Variants in COL24A1 observed in about 807,000 individuals in gnomAD.
COL24A1 encodes collagen type XXIV alpha 1 chain.
COL24A1 carries 224 observed loss-of-function variants against 253.9 expected under a neutral mutation model. The ratio of observed to expected loss-of-function variants is 0.88; its 90% CI spans 0.79 to 0.99. COL24A1 has a LOEUF of 0.99. COL24A1 is among the 50% of genes least tolerant of loss of function. COL24A1 has a pLI of 0.00. For synonymous variants in COL24A1, 685 were observed against 673.7 expected, an observed-to-expected ratio of 1.02 and a Z score of -0.26; for missense variants, 2,131 against 2,068.5, an observed-to-expected ratio of 1.03 and a Z score of -0.59.
At chr1:86,053,526 A>G (rs1700464497) in intron 10 of COL24A1, among the ~76,000 whole-genome samples, 1 of 152,130 alleles carries the variant, frequency 6.6e-6, no homozygotes, top group Non-Finnish European at 1.5e-5. Flanking sequence ...CCATGAAACT[A>G]GAGTTTACCG....
intron 2 of COL24A1, among the ~76,000 whole-genome samples, chr1:86,127,013 A>T (rs1169055749): frequency 6.6e-6 from 1 of 152,102 alleles, no homozygotes; most frequent in African/African-American, 2.4e-5. Flanking sequence ...TTTTCCTTCT[A>T]ACCTTCTGGG....
intron 19 of COL24A1, among the ~76,000 whole-genome samples, chr1:86,011,209 T>C (rs1696455267): frequency 6.6e-6 from 1 of 152,198 alleles, no homozygotes; most frequent in South Asian, 2.1e-4. Context: ...ATTATTTTTC[T>C]GCACCTTGTA....
At chr1:85,998,715 G>A (rs891967016) in intron 19 of COL24A1, among the ~76,000 whole-genome samples, 6 of 152,234 alleles carry the variant, frequency 3.9e-5, no homozygotes, top group South Asian at 4.2e-4. Context: ...CCAAGATAAC[G>A]AGATAATATC....
At chr1:85,850,164 A>G (rs750225375) in intron 37 of COL24A1, among the ~76,000 whole-genome samples, 1 of 152,188 alleles carries the variant, frequency 6.6e-6, no homozygotes, top group Non-Finnish European at 1.5e-5. Flanking sequence ...GTGGGGCACT[A>G]TATGAATTTT....
At chr1:86,139,851 T>TA (rs934776331) in intron 2 of COL24A1, among the ~76,000 whole-genome samples, 2 of 152,206 alleles carry the variant, frequency 1.3e-5, no homozygotes, top group African/African-American at 4.8e-5. Context: ...CCAATTTACT[T>TA]AAACTGACTA....
intron 47 of COL24A1, among the ~76,000 whole-genome samples, chr1:85,790,965 T>C (rs1463243737): frequency 1.3e-5 from 2 of 152,158 alleles, no homozygotes; most frequent in African/African-American, 4.8e-5. Context: ...AAAATGAGGC[T>C]GCAACTGAAG....
rs182777070 is a variant in COL24A1 at position 85,889,914 on chromosome 1, T to C, written c.2923-301A>G. On this transcript the variant is annotated intron_variant, in intron 31 of 59. Coordinates refer to ENST00000370571, the MANE Select transcript of COL24A1 (RefSeq NM_152890.7). ...TTAAATACTAGCTCCCCATCACCCC[T>C]TTTTTTCTATTTCCTGGCAACCACC... Among the ~76,000 whole-genome samples, 183 of 152,018 alleles carry C rather than the reference T, an allele frequency of 1.2e-3. 2 individuals carry two copies. The Middle Eastern group carries it at 0.027, about 23-fold the overall frequency.
In COL24A1 at chr1:85,784,129, C is replaced by A. The variant is rs1213823353; in HGVS notation, c.4205G>T (p.Gly1402Val). 6.2e-7 allele frequency: 1 copy of A among 1,613,234 alleles called. No homozygotes were observed. The highest frequency in any genetic ancestry group is 8.5e-7 in the Non-Finnish European group (1 of 1,179,558). Residue 1402 changes from glycine (G) to valine (V), a missense_variant, in exon 50 of 60, where the codon GGA becomes GTA. Physicochemically the swap from Gly to Val is moderately radical, Grantham distance 109. Coordinates refer to ENST00000370571, the MANE Select transcript of COL24A1 (RefSeq NM_152890.7). ...TAAACATACTTTAGGGCCTGGGAAT[C>A]CTTGGAAACCTGTCAAACCTTGAAC... is the stretch of plus-strand genomic sequence containing the variant. The part of the protein sequence containing the change: ...YGVQGLTGFQ[G>V]FPGPKGPEGD...
chr1:85,888,339 C>T (rs1682751356), intron 32 of COL24A1, among the ~76,000 whole-genome samples: 4 of 152,062 alleles, frequency 2.6e-5, no homozygotes, highest in Admixed American at 2.6e-4. Context: ...TTAATAACAT[C>T]CTTTGTTCTA....
Position 85,928,835 on chromosome 1 carries a change from C to T in COL24A1, c.2563-17402G>A, listed in dbSNP as rs994359494. On this transcript the variant is annotated intron_variant, in intron 24 of 59. Coordinates refer to ENST00000370571, the MANE Select transcript of COL24A1 (RefSeq NM_152890.7). ...GAATTTCATATCCAGCCAAACTAAG[C>T]TTCATAAGTGAAGGAGAAATAAAAT... Among the ~76,000 whole-genome samples, 39 of 47,272 alleles carry T rather than the reference C, an allele frequency of 8.3e-4. 14 individuals are homozygous for T. The highest frequency in any genetic ancestry group is 1.4e-3 in the Non-Finnish European group (35 of 25,320). 31.0% of individuals were successfully genotyped at this position (47,272 alleles called of 152,430 possible).
intron 47 of COL24A1, among the ~76,000 whole-genome samples, chr1:85,809,400 T>G (rs1287056636): frequency 1.3e-5 from 2 of 152,188 alleles, no homozygotes; most frequent in African/African-American, 2.4e-5. Context: ...AACTAAATTC[T>G]TCCCAAAGTT....
intron 51 of COL24A1, among the ~76,000 whole-genome samples, chr1:85,781,624 G>C (rs1471147429): frequency 6.6e-6 from 1 of 152,106 alleles, no homozygotes; most frequent in African/African-American, 2.4e-5. Flanking sequence ...TGATGAACTA[G>C]GTTTTGAATA....
intron 18 of COL24A1, among the ~76,000 whole-genome samples, chr1:86,017,949 T>G (rs10518362): frequency 2.0e-5 from 3 of 152,206 alleles, no homozygotes; most frequent in Admixed American, 6.5e-5. Context: ...AGCTAGTTTC[T>G]GACATTCATG....
At chr1:85,831,871 C>G in intron 43 of COL24A1, among the ~76,000 whole-genome samples, 1 of 151,810 alleles carries the variant, frequency 6.6e-6, no homozygotes, top group East Asian at 1.9e-4. Flanking sequence ...ATAATTTTGG[C>G]AAAAAATGAT....
intron 5 of COL24A1, among the ~76,000 whole-genome samples, chr1:86,105,447 C>A (rs530723964): frequency 4.5e-4 from 69 of 152,258 alleles, no homozygotes; most frequent in South Asian, 1.5e-3. Context: ...TGATGCGGGC[C>A]CCCAGGGCCC....
intron 59 of COL24A1, among the ~76,000 whole-genome samples, chr1:85,733,729 G>C (rs1004031728): frequency 6.6e-6 from 1 of 151,664 alleles, no homozygotes; most frequent in African/African-American, 2.4e-5. Context: ...ATTGGCGTGT[G>C]CCACCATGCC....
At chr1:85,745,796 A>G (rs1035628777) in intron 55 of COL24A1, among the ~76,000 whole-genome samples, 1 of 152,182 alleles carries the variant, frequency 6.6e-6, no homozygotes, top group African/African-American at 2.4e-5. Context: ...ACACACACAC[A>G]AAGTTCCTCA....
At chr1:85,812,086 G>C (rs1672605852) in intron 47 of COL24A1, among the ~76,000 whole-genome samples, 1 of 138,506 alleles carries the variant, frequency 7.2e-6, no homozygotes, top group South Asian at 2.5e-4. Flanking sequence ...AACCTGGAAT[G>C]TCAAATGGCT....
Position 85,747,101 on chromosome 1 carries a change from C to CTT in COL24A1, c.4438-1597_4438-1596dup, listed in dbSNP as rs34758363. Among the ~76,000 whole-genome samples the CTT allele has an allele frequency of 3.6e-3, 405 of 111,224 alleles. 4 individuals are homozygous for CTT. The highest frequency in any genetic ancestry group is 0.012 in the Middle Eastern group (2 of 172). The allele number at this position is 111,224 out of a possible 152,430, so 73.0% of individuals were successfully genotyped here. ...AATTTTTTGTTTATGTGAATTATAA[C>CTT]TTTTTTTTTTTTTTTTTTTTTTTAA... On this transcript the variant is annotated intron_variant, in intron 55 of 59. Coordinates refer to ENST00000370571, the MANE Select transcript of COL24A1 (RefSeq NM_152890.7).
Sources: gnomAD v4.1 joint callset for allele counts (sites outside exome capture counted in the v4.1 genomes callset) on GRCh38, gnomAD v4.1.1 for gene constraint, MANE v1.5 for transcripts, NCBI Gene and HGNC (gene_info 2026-07-23, HGNC 2026-07-21) for gene names.